Variants in ETNK1 observed in about 807,000 individuals in gnomAD.
ETNK1 encodes ethanolamine kinase 1, also known as putative protein product of Nbla10396.
A neutral mutation model predicts 45.1 loss-of-function variants in ETNK1; 8 were observed. The ratio of observed to expected loss-of-function variants is 0.18; its 90% CI spans 0.10 to 0.32. ETNK1 has a LOEUF of 0.32. ETNK1 is among the 10% of genes least tolerant of loss of function. ETNK1 has a pLI of 1.00. For missense variants in ETNK1, 302 were observed against 430.6 expected (o/e 0.70, Z 2.64); for synonymous variants, 152 against 151.9 (o/e 1.00, Z -0.01).
intron 1 of ETNK1, among the ~76,000 whole-genome samples, chr12:22,628,089 A>G (rs1045335397): frequency 6.6e-6 from 1 of 152,098 alleles, no homozygotes; most frequent in Admixed American, 6.5e-5. Flanking sequence ...GAGTAAATCT[A>G]AAACAACAAT....
At chr12:22,679,530 A>G (rs1954193046) in intron 6 of ETNK1, among the ~76,000 whole-genome samples, 1 of 152,104 alleles carries the variant, frequency 6.6e-6, no homozygotes, top group Admixed American at 6.5e-5. Flanking sequence ...ACACCCAGAA[A>G]CAATACTTTC....
At position 22,660,309 on chromosome 12, in the gene ETNK1, C is replaced by T. The variant is rs16925249; in HGVS notation, c.558-754C>T. ...AAGGGAAGGAGTGAAGGAGTATAGC[C>T]GTTTTGTAAGCCTGATTGGTGCTAT... On this transcript the variant is annotated intron_variant, in intron 3 of 7. Transcript: ENST00000266517. Among the ~76,000 whole-genome samples, 1,317 of 152,180 alleles carry T rather than the reference C, an allele frequency of 8.7e-3. 22 individuals carry two copies. Among genetic ancestry groups the T allele is most frequent in the African/African-American group, 0.03 (1,264 of 41,518 alleles).
chr12:22,655,747 T>C (rs1421914299), intron 2 of ETNK1, among the ~76,000 whole-genome samples: 1 of 152,206 alleles, frequency 6.6e-6, no homozygotes, highest in African/African-American at 2.4e-5. Context: ...TTCCTGGTGT[T>C]TGGGGACATA....
chr12:22,669,123 A>G (rs979891775), intron 4 of ETNK1, among the ~76,000 whole-genome samples: 1 of 152,180 alleles, frequency 6.6e-6, no homozygotes, highest in Middle Eastern at 3.2e-3. Flanking sequence ...AAAATTATAT[A>G]TTAAAACTGT....
rs373734804 is a variant in ETNK1 at position 22,683,169 on chromosome 12, G to T, written c.946-1314G>T. Among the ~76,000 whole-genome samples the T allele has an allele frequency of 1.1e-4, 16 of 152,038 alleles. 1 individual carries two copies. The highest frequency in any genetic ancestry group is 3.9e-4 in the African/African-American group (16 of 41,488). On this transcript the variant is annotated intron_variant, in intron 6 of 7. Coordinates refer to ENST00000266517, the MANE Select transcript of ETNK1 (RefSeq NM_018638.5). Reference sequence around the variant, plus strand: ...CCCAGCTTGTTTTTTTAACTTTTATGCTTCATGTGCAAGTGACTTTAGTTG... The same window carrying T: ...CCCAGCTTGTTTTTTTAACTTTTATTCTTCATGTGCAAGTGACTTTAGTTG...
At chr12:22,660,116 A>C (rs1953984961) in intron 3 of ETNK1, among the ~76,000 whole-genome samples, 1 of 151,890 alleles carries the variant, frequency 6.6e-6, no homozygotes, top group South Asian at 2.1e-4. Context: ...TACTTGTGGA[A>C]GTTGTATGTA....
chr12:22,633,059 T>C (rs1251634618), intron 1 of ETNK1, among the ~76,000 whole-genome samples: 1 of 152,238 alleles, frequency 6.6e-6, no homozygotes, highest in Non-Finnish European at 1.5e-5. Flanking sequence ...TATACTTTTT[T>C]TGAACACGAA....
chr12:22,639,437 G>C (rs934557592), intron 1 of ETNK1, among the ~76,000 whole-genome samples: 5 of 152,136 alleles, frequency 3.3e-5, no homozygotes, highest in Non-Finnish European at 7.3e-5. Flanking sequence ...AGCACTTTGG[G>C]AGGCCGAGGC....
intron 6 of ETNK1, among the ~76,000 whole-genome samples, chr12:22,682,818 T>C (rs922562336): frequency 6.6e-6 from 1 of 152,208 alleles, no homozygotes; most frequent in African/African-American, 2.4e-5. Context: ...AAGTAACATA[T>C]CAGTATAATT....
chr12:22,656,491 A>G, intron 2 of ETNK1: 1 of 985,342 alleles, frequency 1.0e-6, no homozygotes, highest in Non-Finnish European at 1.2e-6. Context: ...TTTCCAAATA[A>G]CTGCAGCACT....
chr12:22,673,737 C>T, intron 6 of ETNK1, 77 bp downstream of exon 6: 1 of 1,359,728 alleles, frequency 7.4e-7, no homozygotes, highest in Non-Finnish European at 1.0e-6. Flanking sequence ...TCATCTTAGA[C>T]AATTTCCTAT....
chr12:22,680,227 T>C (rs1194661640), intron 6 of ETNK1, among the ~76,000 whole-genome samples: 4 of 152,182 alleles, frequency 2.6e-5, no homozygotes, highest in Non-Finnish European at 5.9e-5. Flanking sequence ...ATTTTTTACC[T>C]TTGATTGAGG....
At chr12:22,663,201 ATGCCATT>A (rs1329928657) in intron 4 of ETNK1, among the ~76,000 whole-genome samples, 2 of 152,150 alleles carry the variant, frequency 1.3e-5, no homozygotes, top group East Asian at 3.9e-4. Flanking sequence ...CCAAATCTCA[ATGCCATT>A]TGTGAGACTA....
chr12:22,684,869 C>A lies in ETNK1; in HGVS notation c.1020-13C>A. 6.3e-7 allele frequency: 1 copy of A among 1,593,728 alleles called. No individual in the cohort carries two copies. The highest frequency in any genetic ancestry group is 8.5e-7 in the Non-Finnish European group (1 of 1,173,144). ...CTTTGACTAATTTTTTTGTTGTTCTCTTTTCTCACTAGGTATGCAATTGTT... is the reference window on the plus strand; with the variant it reads ...CTTTGACTAATTTTTTTGTTGTTCTATTTTCTCACTAGGTATGCAATTGTT... On this transcript the variant is annotated splice_polypyrimidine_tract_variant and intron_variant, in intron 7 of 7. Coordinates refer to ENST00000266517, the MANE Select transcript of ETNK1 (RefSeq NM_018638.5).
At position 22,684,657 on chromosome 12, in the gene ETNK1, A is replaced by T. The variant is rs920043963; in HGVS notation, c.1019+101A>T. The T allele has an allele frequency of 4.8e-5, 43 of 905,252 alleles. 1 individual carries two copies. In the Admixed American group the frequency reaches 1.1e-3, roughly 22 times the overall value. 56.1% of individuals were successfully genotyped at this position (905,252 alleles called of 1,614,324 possible). On this transcript the variant is annotated intron_variant, in intron 7 of 7. Transcript: ENST00000266517. ...ATTGTAGTTATTTGCAATCAATTAT[A>T]AAAGTTGTATACACTTAGTAATTGG...
intron 3 of ETNK1, among the ~76,000 whole-genome samples, chr12:22,660,801 T>G (rs1419936735): frequency 6.6e-6 from 1 of 152,108 alleles, no homozygotes; most frequent in Non-Finnish European, 1.5e-5. Flanking sequence ...CCTATATATA[T>G]TACTTAGAAA....
At chr12:22,645,504 C>G (rs1268320385) in intron 2 of ETNK1, among the ~76,000 whole-genome samples, 1 of 151,726 alleles carries the variant, frequency 6.6e-6, no homozygotes, top group Non-Finnish European at 1.5e-5. Context: ...TTGGTTAGAT[C>G]TACTTACTTA....
intron 6 of ETNK1, among the ~76,000 whole-genome samples, chr12:22,673,992 A>G (rs191438505): frequency 2.6e-5 from 4 of 152,310 alleles, no homozygotes; most frequent in East Asian, 1.9e-4. Flanking sequence ...TCTTTACATC[A>G]AAGTCAAATT....
chr12:22,665,532 A>G (rs1207467712), intron 4 of ETNK1, among the ~76,000 whole-genome samples: 1 of 152,166 alleles, frequency 6.6e-6, no homozygotes, highest in East Asian at 1.9e-4. Flanking sequence ...GGGGTTGGCA[A>G]ACATTTTCTG....
Sources: gnomAD v4.1 joint callset for allele counts (sites outside exome capture counted in the v4.1 genomes callset) on GRCh38, gnomAD v4.1.1 for gene constraint, MANE v1.5 for transcripts, NCBI Gene and HGNC (gene_info 2026-07-23, HGNC 2026-07-21) for gene names.